The following CTNNA2 variants were observed in gnomAD, a reference collection of about 807,000 sequenced individuals.
CTNNA2 encodes the protein catenin alpha 2.
A neutral mutation model predicts 101.0 loss-of-function variants in CTNNA2; 42 were observed. The ratio of observed to expected loss-of-function variants is 0.42; its 90% CI spans 0.32 to 0.54. CTNNA2 has a LOEUF of 0.54. CTNNA2 is among the 20% of genes least tolerant of loss of function. The probability of loss-of-function intolerance (pLI) is 0.14; values close to 1 mark genes in which losing one functional copy is unlikely to be tolerated. For missense variants in CTNNA2, 871 were observed against 1,223.1 expected (o/e 0.71, Z 4.29); for synonymous variants, 450 against 456.4 (o/e 0.99, Z 0.18).
chr2:79,609,827 A>G (rs1387608602), intron 1 of CTNNA2, among the ~76,000 whole-genome samples: 2 of 152,172 alleles, frequency 1.3e-5, no homozygotes, highest in Non-Finnish European at 2.9e-5. Context: ...TGACGATACA[A>G]TCGAAAACTC....
intron 3 of CTNNA2, among the ~76,000 whole-genome samples, chr2:79,815,737 A>G (rs1339330600): frequency 6.6e-6 from 1 of 151,916 alleles, no homozygotes; most frequent in Non-Finnish European, 1.5e-5. Context: ...TGCTTTGGCT[A>G]TGCAGGCTCT....
chr2:79,523,009 G>A (rs373076830), intron 1 of CTNNA2, among the ~76,000 whole-genome samples: 3 of 152,128 alleles, frequency 2.0e-5, no homozygotes, highest in African/African-American at 7.2e-5. Context: ...CTTTCCCCCC[G>A]TGAGTATATC....
At chr2:79,530,422 C>T (rs2103927973) in intron 1 of CTNNA2, among the ~76,000 whole-genome samples, 1 of 152,128 alleles carries the variant, frequency 6.6e-6, no homozygotes, top group Non-Finnish European at 1.5e-5. Flanking sequence ...ACTGAGAAAC[C>T]ATTTCTAGTT....
chr2:79,932,484 T>C (rs1464145655), intron 7 of CTNNA2, among the ~76,000 whole-genome samples: 2 of 147,634 alleles, frequency 1.4e-5, no homozygotes, highest in East Asian at 3.9e-4. Flanking sequence ...GTGAGATTCT[T>C]TTTTTTTTTT....
At chr2:80,478,152 G>C (rs1038670472) in intron 9 of CTNNA2, among the ~76,000 whole-genome samples, 1 of 152,018 alleles carries the variant, frequency 6.6e-6, no homozygotes, top group Non-Finnish European at 1.5e-5. Context: ...TAGTGACATT[G>C]AGCATTTTTT....
intron 2 of CTNNA2, among the ~76,000 whole-genome samples, chr2:79,246,901 AAGAG>A (rs1406166219): frequency 2.6e-5 from 4 of 152,242 alleles, no homozygotes; most frequent in African/African-American, 7.2e-5. Flanking sequence ...CATCTGAAAG[AAGAG>A]AGAGAAGAGT....
chr2:80,027,858 A>T (rs1322591255), intron 7 of CTNNA2, among the ~76,000 whole-genome samples: 1 of 151,486 alleles, frequency 6.6e-6, no homozygotes, highest in Non-Finnish European at 1.5e-5. Context: ...CAGTAGTCCC[A>T]GCTACTGGGA....
At chr2:80,404,308 T>C (rs766037156) in intron 8 of CTNNA2, among the ~76,000 whole-genome samples, 8 of 152,174 alleles carry the variant, frequency 5.3e-5, no homozygotes, top group Non-Finnish European at 1.2e-4. Flanking sequence ...TTAGTCTAGC[T>C]AGCAGTCGAT....
chr2:79,349,907 C>G (rs1254313913), intron 3 of CTNNA2, among the ~76,000 whole-genome samples: 1 of 151,586 alleles, frequency 6.6e-6, no homozygotes, highest in Admixed American at 6.6e-5. Flanking sequence ...AACCCTGTCT[C>G]TACTAAAAAC....
At chr2:79,435,616 GCC>G (rs1678704519) in intron 4 of CTNNA2, among the ~76,000 whole-genome samples, 1 of 152,148 alleles carries the variant, frequency 6.6e-6, no homozygotes, top group African/African-American at 2.4e-5. Flanking sequence ...AAGGCAGCAC[GCC>G]CTAAAGCTGT....
chr2:80,620,723 C>A (rs992195777), intron 18 of CTNNA2, among the ~76,000 whole-genome samples: 18 of 151,914 alleles, frequency 1.2e-4, no homozygotes, highest in Non-Finnish European at 4.4e-5. Context: ...AGAAGCAAAC[C>A]TTCAGTGACA....
intron 4 of CTNNA2, among the ~76,000 whole-genome samples, chr2:79,858,530 T>A (rs1361816749): frequency 6.6e-6 from 1 of 152,174 alleles, no homozygotes; most frequent in African/African-American, 2.4e-5. Flanking sequence ...TCTTGGTCCA[T>A]GTGATAGTTC....
At position 79,870,079 on chromosome 2, in the gene CTNNA2, C is replaced by T. The variant is rs3755096; in HGVS notation, c.585+144C>T. 0.028 allele frequency: 29,090 copies of T among 1,055,522 alleles called. 1,621 individuals are homozygous for T. The highest frequency in any genetic ancestry group is 0.2 in the East Asian group (8,006 of 39,460). 65.4% of individuals were successfully genotyped at this position (1,055,522 alleles called of 1,614,324 possible). On this transcript the variant is annotated intron_variant, in intron 5 of 18. Transcript: ENST00000402739. ...CTGTGATGACAAAGGTTGCTTCCTGCAGGGGCCAGTTGTGATGCCTTGGTG... is the reference window on the plus strand; with the variant it reads ...CTGTGATGACAAAGGTTGCTTCCTGTAGGGGCCAGTTGTGATGCCTTGGTG...
chr2:79,319,595 T>G (rs1676571674), intron 3 of CTNNA2: 1 of 152,130 alleles, frequency 6.6e-6, no homozygotes, highest in Non-Finnish European at 1.5e-5. Flanking sequence ...TGCCTTTATA[T>G]ATTAGGGAAG....
chr2:79,503,046 A>T (rs899441279), intron 4 of CTNNA2, among the ~76,000 whole-genome samples: 1 of 152,286 alleles, frequency 6.6e-6, no homozygotes, highest in South Asian at 2.1e-4. Context: ...GGTCCAGCTC[A>T]TATCCCGATA....
Position 79,885,910 on chromosome 2 carries a change from G to A in CTNNA2, c.852+11568G>A, listed in dbSNP as rs535605954. Among the ~76,000 whole-genome samples the A allele has an allele frequency of 3.3e-5, 5 of 152,308 alleles. No individual in the cohort carries two copies. In the South Asian group the frequency reaches 1.0e-3, roughly 32 times the overall value. ...AATAACTAAGTATGTGTAAGCATGGGCTACTAAGCCCATCTCTAGGCCTTG... is the reference window on the plus strand; with the variant it reads ...AATAACTAAGTATGTGTAAGCATGGACTACTAAGCCCATCTCTAGGCCTTG... On this transcript the variant is annotated intron_variant, in intron 6 of 18. Transcript: ENST00000402739.
At chr2:80,459,879 A>G (rs1447414781) in intron 9 of CTNNA2, among the ~76,000 whole-genome samples, 1 of 152,136 alleles carries the variant, frequency 6.6e-6, no homozygotes, top group Non-Finnish European at 1.5e-5. Context: ...TAGGTGGGCC[A>G]GTGTGTGAGA....
rs188024230 is a variant in CTNNA2 at position 79,496,169 on chromosome 2, A to G, written c.-134-8885A>G. Among the ~76,000 whole-genome samples, 1,184 of 152,222 alleles carry G rather than the reference A, an allele frequency of 7.8e-3. 11 individuals carry two copies. Among genetic ancestry groups the G allele is most frequent in the Non-Finnish European group, 0.013 (866 of 67,988 alleles). ...CTAAACAAATAATATTCTAAAAAGT[A>G]TTTTCTGTTATCCAAAGTTTGAGGC... On this transcript the variant is annotated intron_variant, in intron 4 of 21. Transcript: ENST00000466387.
chr2:80,541,873 C>T (rs1280658898), intron 9 of CTNNA2, among the ~76,000 whole-genome samples: 1 of 65,122 alleles, frequency 1.5e-5, no homozygotes, highest in Non-Finnish European at 3.4e-5. Flanking sequence ...TACTTTGTGG[C>T]TGCTACTTTT....
Sources: gnomAD v4.1 joint callset for allele counts (sites outside exome capture counted in the v4.1 genomes callset) on GRCh38, gnomAD v4.1.1 for gene constraint, MANE v1.5 for transcripts, NCBI Gene and HGNC (gene_info 2026-07-23, HGNC 2026-07-21) for gene names.